The following IL19 variants were observed in gnomAD, a reference collection of about 807,000 sequenced individuals.
IL19 encodes interleukin 19, also known as interleukin-19.
In IL19, 15 loss-of-function variants were observed where a neutral mutation model predicts 19.5. That is an observed-to-expected ratio of 0.77 (90% CI 0.52 to 1.19). IL19 has a LOEUF of 1.19. Among genes scored for constraint, IL19 ranks in the 50% most tolerant of loss-of-function variants. The pLI, the probability that IL19 is intolerant of heterozygous loss-of-function variation, is 0.00. For missense variants in IL19, 199 were observed against 213.1 expected, an observed-to-expected ratio of 0.93 and a Z score of 0.41; for synonymous variants, 78 against 78.3, an observed-to-expected ratio of 1.00 and a Z score of 0.02.
At chr1:206,805,986 G>A (rs115894423) in intron 2 of IL19, among the ~76,000 whole-genome samples, 2,786 of 152,200 alleles carry the variant, frequency 0.018, 42 homozygotes, top group Non-Finnish European at 0.028. Context: ...TCTTGGGAGG[G>A]TTGTTCCTGT....
Position 206,798,956 on chromosome 1 carries a change from A to T in IL19, c.-53A>T. The T allele has an allele frequency of 6.2e-7, 1 of 1,614,078 alleles. No individual in the cohort carries two copies. The highest frequency in any genetic ancestry group is 1.3e-5 in the African/African-American group (1 of 75,016). On this transcript the variant is annotated 5_prime_UTR_variant, in exon 2 of 7. Coordinates refer to ENST00000659997, the MANE Select transcript of IL19 (RefSeq NM_153758.5). ...TGTTCCTTACCACTCACACATGTGCACACACATATCCATGTGTGTGTGCCA... is the reference window on the plus strand; with the variant it reads ...TGTTCCTTACCACTCACACATGTGCTCACACATATCCATGTGTGTGTGCCA...
intron 1 of IL19, among the ~76,000 whole-genome samples, chr1:206,788,575 A>G (rs750169033): frequency 6.6e-6 from 1 of 151,630 alleles, no homozygotes; most frequent in African/African-American, 2.4e-5. Flanking sequence ...ATTTTTGGTT[A>G]CATGGATGAA....
At chr1:206,773,293 C>T (rs1674908162) in intron 1 of IL19, among the ~76,000 whole-genome samples, 1 of 152,210 alleles carries the variant, frequency 6.6e-6, no homozygotes, top group Admixed American at 6.5e-5. Context: ...AGAGATATTA[C>T]ATCACCTGTA....
Position 206,785,946 on chromosome 1 carries a change from A to T in IL19, c.-148-12915A>T, listed in dbSNP as rs187035104. Among the ~76,000 whole-genome samples, 71 of 152,080 alleles carry T rather than the reference A, an allele frequency of 4.7e-4. No homozygotes were observed. The East Asian group carries it at 8.9e-3, about 19-fold the overall frequency. ...AAGCTACCTGCACCGAAGTGTATAA[A>T]CATATATCTGGTCAAAGGGGTCACA... On this transcript the variant is annotated intron_variant, in intron 1 of 6. Transcript: ENST00000659997.
chr1:206,772,228 C>T (rs1484428426), intron 1 of IL19: 1 of 1,564,454 alleles, frequency 6.4e-7, no homozygotes, highest in African/African-American at 1.4e-5. Flanking sequence ...CTAGTTCAGG[C>T]AGTCCCAGGA....
At chr1:206,817,568 T>TATC (rs1676189568) in intron 2 of IL19, among the ~76,000 whole-genome samples, 1 of 152,152 alleles carries the variant, frequency 6.6e-6, no homozygotes. Context: ...TCTATATCTC[T>TATC]ATCACACATA....
rs547640797 is a variant in IL19, at chr1:206,790,413, C to T, written c.-148-8448C>T. Among the ~76,000 whole-genome samples, 35 of 152,126 alleles carry T rather than the reference C, an allele frequency of 2.3e-4. No homozygotes were observed. The East Asian group carries it at 5.8e-3, about 25-fold the overall frequency. On this transcript the variant is annotated intron_variant, in intron 1 of 6. Transcript: ENST00000659997. The stretch of plus-strand genomic sequence containing the variant: ...GGCCTGCTTATGGTCATTCCTTCCC[C>T]GTCTACTGCAGGGGAAGGAAAATAC...
At chr1:206,800,358 T>A (rs559681373) in intron 2 of IL19, among the ~76,000 whole-genome samples, 9 of 152,226 alleles carry the variant, frequency 5.9e-5, no homozygotes, top group African/African-American at 2.2e-4. Flanking sequence ...GGCAGGGCAG[T>A]GGTGGTGGGG....
intron 2 of IL19, among the ~76,000 whole-genome samples, chr1:206,835,686 C>T (rs1676766061): frequency 6.6e-6 from 1 of 152,234 alleles, no homozygotes; most frequent in African/African-American, 2.4e-5. Context: ...TCTCAGTGGG[C>T]ACCATGCAAA....
chr1:206,816,539 T>C (rs1676161262), intron 2 of IL19, among the ~76,000 whole-genome samples: 1 of 152,000 alleles, frequency 6.6e-6, no homozygotes, highest in Non-Finnish European at 1.5e-5. Flanking sequence ...CAAAGTTATA[T>C]ACAATAAGTC....
At chr1:206,778,486 C>T (rs936146391) in intron 1 of IL19, among the ~76,000 whole-genome samples, 1 of 152,138 alleles carries the variant, frequency 6.6e-6, no homozygotes, top group Admixed American at 6.5e-5. Flanking sequence ...CTTTAGTTTG[C>T]TCCAGTCTCC....
chr1:206,796,425 G>A (rs1675524171), intron 1 of IL19, among the ~76,000 whole-genome samples: 1 of 152,116 alleles, frequency 6.6e-6, no homozygotes, highest in Admixed American at 6.5e-5. Context: ...TTCTTTACGA[G>A]GCTGGTGGCT....
chr1:206,835,276 ACT>A (rs1158613315), intron 2 of IL19, among the ~76,000 whole-genome samples: 1 of 152,000 alleles, frequency 6.6e-6, no homozygotes, highest in Non-Finnish European at 1.5e-5. Flanking sequence ...GCTCTGGGGG[ACT>A]CTCTACAAAC....
At chr1:206,837,348 G>A (rs912344084) in intron 4 of IL19, among the ~76,000 whole-genome samples, 39 of 152,238 alleles carry the variant, frequency 2.6e-4, no homozygotes, top group African/African-American at 9.4e-4. Flanking sequence ...GACTTAACCC[G>A]AGGAGGTTGT....
intron 2 of IL19, among the ~76,000 whole-genome samples, chr1:206,831,668 C>A (rs965708915): frequency 1.3e-5 from 2 of 152,158 alleles, no homozygotes; most frequent in Non-Finnish European, 2.9e-5. Flanking sequence ...CTTCATGCTG[C>A]GCCTACATGG....
At chr1:206,773,732 T>C (rs1429575609) in intron 1 of IL19, among the ~76,000 whole-genome samples, 2 of 151,962 alleles carry the variant, frequency 1.3e-5, no homozygotes, top group Admixed American at 1.3e-4. Flanking sequence ...ATCTGGAAAG[T>C]CTCTGGGGAT....
chr1:206,801,009 G>T (rs1675667999), intron 2 of IL19, among the ~76,000 whole-genome samples: 2 of 152,144 alleles, frequency 1.3e-5, no homozygotes, highest in African/African-American at 4.8e-5. Flanking sequence ...GAGCGAGATG[G>T]CTGCATGCTG....
chr1:206,840,744 A>G (rs146510051), intron 5 of IL19: 5,165 of 475,806 alleles, frequency 0.011, 56 homozygotes, highest in Middle Eastern at 0.034. Context: ...CAGAGTGGTG[A>G]TAAGACAGAT....
chr1:206,773,794 C>T (rs973209602), intron 1 of IL19, among the ~76,000 whole-genome samples: 12 of 152,178 alleles, frequency 7.9e-5, no homozygotes, highest in Admixed American at 6.5e-5. Context: ...GCCTGCCATT[C>T]CAGTTTAGAC....
Sources: allele counts gnomAD v4.1 joint callset (sites outside exome capture counted in the v4.1 genomes callset), GRCh38; gene constraint gnomAD v4.1.1; transcripts MANE v1.5; gene names NCBI Gene and HGNC (gene_info 2026-07-23, HGNC 2026-07-21).